Variants in HP1BP3 observed in about 807,000 individuals in gnomAD.
HP1BP3 encodes heterochromatin protein 1-binding protein 3.
Under a neutral mutation model 62.5 loss-of-function variants are expected in HP1BP3, and 12 were observed. That is an observed-to-expected ratio of 0.19 (90% CI 0.12 to 0.31). HP1BP3 has a LOEUF of 0.31. Ranked by LOEUF, HP1BP3 falls within the 10% of genes least tolerant of loss-of-function variation. HP1BP3 has a pLI of 1.00. For missense variants in HP1BP3, 502 were observed against 651.8 expected (o/e 0.77, Z 2.50); for synonymous variants, 260 against 237.8 (o/e 1.09, Z -0.86).
intron 7 of HP1BP3, 100 bp downstream of exon 7, chr1:20,767,484 T>C: frequency 2.4e-6 from 2 of 840,598 alleles, no homozygotes; most frequent in Non-Finnish European, 4.0e-6. Flanking sequence ...AGGCTGAACC[T>C]TGCATAGTGC....
chr1:20,772,075 A>C (rs2057085289), intron 5 of HP1BP3, among the ~76,000 whole-genome samples: 2 of 152,122 alleles, frequency 1.3e-5, no homozygotes, highest in Non-Finnish European at 2.9e-5. Context: ...TCCTGATCTT[A>C]AAAGAAAACA....
At chr1:20,752,997 A>G (rs2055870194) in intron 9 of HP1BP3, among the ~76,000 whole-genome samples, 1 of 151,778 alleles carries the variant, frequency 6.6e-6, no homozygotes, top group South Asian at 2.1e-4. Flanking sequence ...GCTGGAGTGC[A>G]GTGGCGTGAT....
At chr1:20,755,695 T>C (rs955222205) in intron 9 of HP1BP3, among the ~76,000 whole-genome samples, 3 of 152,178 alleles carry the variant, frequency 2.0e-5, no homozygotes, top group African/African-American at 7.2e-5. Context: ...TAAATGTTCA[T>C]AGGCAGTATT....
chr1:20,754,086 T>A (rs1272900224), intron 9 of HP1BP3, among the ~76,000 whole-genome samples: 1 of 152,196 alleles, frequency 6.6e-6, no homozygotes, highest in African/African-American at 2.4e-5. Context: ...TATTTGCAGA[T>A]AACAGATCCT....
In HP1BP3 at chr1:20,753,056, C is replaced by T. The variant is rs535546874; in HGVS notation, c.982-3174G>A. Among the ~76,000 whole-genome samples the T allele has an allele frequency of 2.0e-5, 3 of 152,186 alleles. No homozygotes were observed. In the South Asian group the frequency reaches 6.2e-4, roughly 32 times the overall value. On this transcript the variant is annotated intron_variant, in intron 9 of 12. Transcript: ENST00000438032. Reference sequence around the variant, plus strand: ...TCCTGGGTTCAAGGGATTCTCCTGCCTCAGCCTCCCGAGTAGCTGGGATTG... The same window carrying T: ...TCCTGGGTTCAAGGGATTCTCCTGCTTCAGCCTCCCGAGTAGCTGGGATTG...
intron 4 of HP1BP3, chr1:20,774,459 T>C (rs2057207246): frequency 6.6e-6 from 1 of 152,200 alleles, no homozygotes; most frequent in African/African-American, 2.4e-5. Context: ...AGATTATAGC[T>C]AGAAGGTATA....
Position 20,767,623 on chromosome 1 carries a change from C to T in HP1BP3, c.696G>A (p.Gln232=), listed in dbSNP as rs1304363266. 1.2e-6 allele frequency: 2 copies of T among 1,611,214 alleles called. No homozygotes were observed. The highest frequency in any genetic ancestry group is 4.5e-5 in the East Asian group (2 of 44,876). The part of the protein sequence containing the change: ...KGASGSFVVV[Q]KSRKTPQKSR... ...ATTTCTGAGGTGTTTTTCTTGATTT[C>T]TGAACCACAACAAAACTTCCAGAAG... Residue 232 remains glutamine, a synonymous_variant, in exon 7 of 13, where the codon CAG becomes CAA. Coordinates refer to ENST00000438032, the MANE Select transcript of HP1BP3 (RefSeq NM_001372052.1).
intron 8 of HP1BP3, among the ~76,000 whole-genome samples, chr1:20,763,162 G>A (rs2056583562): frequency 2.6e-5 from 4 of 152,086 alleles, no homozygotes; most frequent in Admixed American, 2.0e-4. Context: ...TAAGTTTCCT[G>A]AAGCCCTCAC....
At chr1:20,776,138 A>G in intron 4 of HP1BP3, 1 of 815,300 alleles carries the variant, frequency 1.2e-6, no homozygotes, top group Non-Finnish European at 1.8e-6. Flanking sequence ...CATCAAACAT[A>G]TATAGACTTT....
Position 20,745,604 on chromosome 1 carries a change from C to G in HP1BP3, c.1306G>C (p.Glu436Gln), listed in dbSNP as rs762007137. 4 of 1,613,858 alleles carry G rather than the reference C, an allele frequency of 2.5e-6. No homozygotes were observed. In the African/African-American group the frequency reaches 5.3e-5, roughly 22 times the overall value. Reference protein sequence around the residue: ...KEPDDSRDEDEDEDESSEEDS... With the variant: ...KEPDDSRDEDQDEDESSEEDS... ...TCTTCTGATGACTCATCTTCATCTTCATCCTCATCTCTAGAATCATCTGGC... is the reference window on the plus strand; with the variant it reads ...TCTTCTGATGACTCATCTTCATCTTGATCCTCATCTCTAGAATCATCTGGC... Residue 436 changes from glutamate to glutamine, a missense_variant, in exon 12 of 13, where the codon GAA becomes CAA. Glu to Gln is a conservative substitution (Grantham distance 29). Transcript: ENST00000438032.
At chr1:20,758,823 A>ATT (rs35204512) in intron 8 of HP1BP3, among the ~76,000 whole-genome samples, 3 of 142,964 alleles carry the variant, frequency 2.1e-5, no homozygotes, top group Non-Finnish European at 4.6e-5. Flanking sequence ...AATTTTTGTT[A>ATT]TTTTTTTTTT....
chr1:20,772,155 GAC>G (rs1164873771), intron 5 of HP1BP3, among the ~76,000 whole-genome samples: 1 of 152,102 alleles, frequency 6.6e-6, no homozygotes. Flanking sequence ...CCACCAATCC[GAC>G]AGTGAGATGG....
chr1:20,758,746 A>G (rs1313964903), intron 8 of HP1BP3, among the ~76,000 whole-genome samples: 1 of 151,782 alleles, frequency 6.6e-6, no homozygotes, highest in Non-Finnish European at 1.5e-5. Flanking sequence ...CCCAGGCTCA[A>G]GCAACCCTTC....
intron 8 of HP1BP3, among the ~76,000 whole-genome samples, chr1:20,765,175 T>TAAAAAAAAA (rs4057761): frequency 1.1e-3 from 65 of 56,602 alleles, no homozygotes; most frequent in Middle Eastern, 0.026. Flanking sequence ...CTCAAAAAAC[T>TAAAAAAAAA]AAAAAAAAAA....
intron 10 of HP1BP3, among the ~76,000 whole-genome samples, chr1:20,748,972 T>C (rs2055529677): frequency 6.6e-6 from 1 of 152,148 alleles, no homozygotes; most frequent in Non-Finnish European, 1.5e-5. Context: ...CTAGAGTAAA[T>C]ATACTTTACT....
chr1:20,756,231 T>C (rs1036602805), intron 9 of HP1BP3, among the ~76,000 whole-genome samples: 7 of 152,320 alleles, frequency 4.6e-5, no homozygotes, highest in Non-Finnish European at 2.9e-5. Flanking sequence ...TCTACAACTA[T>C]CTCAAAGTTA....
At chr1:20,746,549 A>T (rs1216171343) in intron 11 of HP1BP3, among the ~76,000 whole-genome samples, 1 of 152,228 alleles carries the variant, frequency 6.6e-6, no homozygotes, top group Non-Finnish European at 1.5e-5. Context: ...ACTGGAAATC[A>T]AAAGGCTTTA....
chr1:20,771,868 TAAATCA>T (rs951882972), intron 5 of HP1BP3, among the ~76,000 whole-genome samples: 1 of 152,234 alleles, frequency 6.6e-6, no homozygotes, highest in African/African-American at 2.4e-5. Flanking sequence ...CAGTGTCTAT[TAAATCA>T]ATGTAGCACT....
intron 10 of HP1BP3, among the ~76,000 whole-genome samples, chr1:20,747,965 C>A (rs745877604): frequency 1.3e-5 from 2 of 152,190 alleles, no homozygotes; most frequent in African/African-American, 4.8e-5. Context: ...AATACTCCCA[C>A]CTTGGCTTCC....
Sources: allele counts gnomAD v4.1 joint callset (sites outside exome capture counted in the v4.1 genomes callset), GRCh38; gene constraint gnomAD v4.1.1; transcripts MANE v1.5; gene names NCBI Gene and HGNC (gene_info 2026-07-23, HGNC 2026-07-21).